The following ST6GALNAC3 variants were observed in gnomAD, a reference collection of about 807,000 sequenced individuals.
The protein encoded by ST6GALNAC3 is alpha-N-acetylgalactosaminide alpha-2,6-sialyltransferase 3.
Under a neutral mutation model 32.7 loss-of-function variants are expected in ST6GALNAC3, and 25 were observed. That is an observed-to-expected ratio of 0.76 (90% CI 0.56 to 1.07). The LOEUF (loss-of-function observed/expected upper bound fraction) is 1.07, where lower values mean the gene tolerates loss of function less well. Ranked by LOEUF, ST6GALNAC3 falls within the 50% of genes least tolerant of loss-of-function variation. The pLI is 0.00. For synonymous variants in ST6GALNAC3, 129 were observed against 133.1 expected, an observed-to-expected ratio of 0.97 and a Z score of 0.21; for missense variants, 355 against 382.4, an observed-to-expected ratio of 0.93 and a Z score of 0.60.
intron 1 of ST6GALNAC3, among the ~76,000 whole-genome samples, chr1:76,102,641 A>G (rs2100779032): frequency 6.6e-6 from 1 of 152,230 alleles, no homozygotes; most frequent in Middle Eastern, 3.4e-3. Flanking sequence ...CTCAGGTCTT[A>G]GACCACTTTA....
At chr1:76,459,073 T>C (rs1447132515) in intron 3 of ST6GALNAC3, among the ~76,000 whole-genome samples, 1 of 152,162 alleles carries the variant, frequency 6.6e-6, no homozygotes, top group Non-Finnish European at 1.5e-5. Flanking sequence ...TTTATGTGCC[T>C]CCCAGCATAT....
chr1:76,585,266 A>T (rs767510717), intron 3 of ST6GALNAC3, among the ~76,000 whole-genome samples: 3 of 151,998 alleles, frequency 2.0e-5, no homozygotes, highest in African/African-American at 4.8e-5. Flanking sequence ...CGCACCTGTC[A>T]TCCCAGCTAC....
At chr1:76,626,212 G>A (rs868852618) in intron 3 of ST6GALNAC3, among the ~76,000 whole-genome samples, 2 of 151,812 alleles carry the variant, frequency 1.3e-5, no homozygotes, top group Non-Finnish European at 1.5e-5. Context: ...CTGGCTGGAG[G>A]GCTGTATCCA....
In ST6GALNAC3 at chr1:76,631,868, T is replaced by A. The variant is rs191781849; in HGVS notation, c.*3062T>A. On this transcript the variant is annotated 3_prime_UTR_variant, in exon 5 of 5. Transcript: ENST00000328299. Reference sequence around the variant, plus strand: ...AGGTAATTTAAAAAGAGTTTTAAAATGTGTGTTTGAATCTTTTCCAATTTA... The same window carrying A: ...AGGTAATTTAAAAAGAGTTTTAAAAAGTGTGTTTGAATCTTTTCCAATTTA... The A allele has an allele frequency of 3.2e-4, 49 of 152,224 alleles. No homozygotes were observed. The highest frequency in any genetic ancestry group is 1.1e-3 in the African/African-American group (47 of 41,542). The allele number at this position is 152,224 out of a possible 1,614,324, so 9.4% of individuals were successfully genotyped here.
At chr1:76,263,441 G>C (rs1658357614) in intron 1 of ST6GALNAC3, among the ~76,000 whole-genome samples, 1 of 151,992 alleles carries the variant, frequency 6.6e-6, no homozygotes, top group Non-Finnish European at 1.5e-5. Context: ...AGCTTTCTGA[G>C]CCCTTTTTGT....
At chr1:76,581,624 C>T (rs1646893242) in intron 3 of ST6GALNAC3, among the ~76,000 whole-genome samples, 1 of 152,110 alleles carries the variant, frequency 6.6e-6, no homozygotes. Context: ...TTAACCTCAG[C>T]AAATTAGGTT....
intron 2 of ST6GALNAC3, among the ~76,000 whole-genome samples, chr1:76,378,512 A>G (rs934708596): frequency 5.3e-5 from 8 of 152,062 alleles, no homozygotes; most frequent in African/African-American, 1.9e-4. Context: ...ATATACAAAA[A>G]TTAGCTGAGC....
intron 2 of ST6GALNAC3, among the ~76,000 whole-genome samples, chr1:76,399,890 A>G (rs562061513): frequency 1.3e-5 from 2 of 152,294 alleles, no homozygotes; most frequent in South Asian, 2.1e-4. Context: ...GAAATACAAC[A>G]TATTTGGATT....
chr1:76,536,000 A>C (rs538800419), intron 3 of ST6GALNAC3, among the ~76,000 whole-genome samples: 1 of 152,168 alleles, frequency 6.6e-6, no homozygotes, highest in Non-Finnish European at 1.5e-5. Context: ...ACATCATTTC[A>C]GTTTAATGCT....
chr1:76,133,596 C>T lies in ST6GALNAC3; in HGVS notation c.18+58712C>T, dbSNP rs370981434. ...CCAAAATTTCTGCCAGCTGGTTACC[C>T]GCTGGAGAGCTGGGGACAGAAACAT... On this transcript the variant is annotated intron_variant, in intron 1 of 4. Transcript: ENST00000328299. Among the ~76,000 whole-genome samples, 275 of 152,346 alleles carry T rather than the reference C, an allele frequency of 1.8e-3. 1 individual carries two copies. Among genetic ancestry groups the T allele is most frequent in the African/African-American group, 6.1e-3 (255 of 41,580 alleles).
intron 2 of ST6GALNAC3, among the ~76,000 whole-genome samples, chr1:76,372,379 C>T (rs997202594): frequency 2.6e-5 from 4 of 152,034 alleles, no homozygotes; most frequent in African/African-American, 9.7e-5. Flanking sequence ...CACGCGCACA[C>T]ACACACATTG....
intron 3 of ST6GALNAC3, among the ~76,000 whole-genome samples, chr1:76,435,475 A>T (rs1025090085): frequency 2.0e-5 from 3 of 152,170 alleles, no homozygotes; most frequent in Non-Finnish European, 2.9e-5. Flanking sequence ...GGTTAAAGAA[A>T]GTTTTAAAGA....
chr1:76,246,682 GT>G (rs1476439415), intron 1 of ST6GALNAC3, among the ~76,000 whole-genome samples: 3 of 152,096 alleles, frequency 2.0e-5, no homozygotes, highest in African/African-American at 7.2e-5. Flanking sequence ...CTCAAAACTG[GT>G]TATTCTAGTT....
intron 3 of ST6GALNAC3, among the ~76,000 whole-genome samples, chr1:76,493,506 T>C (rs1055173103): frequency 6.6e-6 from 1 of 152,210 alleles, no homozygotes; most frequent in African/African-American, 2.4e-5. Flanking sequence ...TACTGATTCC[T>C]GATTTTGATT....
At chr1:76,330,191 C>T (rs371451781) in intron 2 of ST6GALNAC3, among the ~76,000 whole-genome samples, 2 of 151,858 alleles carry the variant, frequency 1.3e-5, no homozygotes, top group South Asian at 2.1e-4. Flanking sequence ...CTCACTCTGT[C>T]GCCCAGGCTG....
rs1378098227 is a variant in ST6GALNAC3 at position 76,412,231 on chromosome 1, A to T, written c.437A>T (p.Glu146Val). Residue 146 changes from glutamate to valine, a missense_variant, in exon 3 of 5, where the codon GAA (glutamate) becomes GTA (valine). Physicochemically the swap from Glu to Val is moderately radical, Grantham distance 121. Transcript: ENST00000328299. ...AAAAACCCTGATTATTTTTTCAAGG[A>T]AGCGAATACTACTATTTATGTTATT... ...LLKNPDYFFK[E>V]ANTTIYVIWG... The T allele has an allele frequency of 1.9e-6, 3 of 1,613,782 alleles. No individual in the cohort carries two copies. The highest frequency in any genetic ancestry group is 2.5e-6 in the Non-Finnish European group (3 of 1,179,824).
intron 1 of ST6GALNAC3, among the ~76,000 whole-genome samples, chr1:76,290,031 C>T (rs1205572743): frequency 6.6e-6 from 1 of 152,194 alleles, no homozygotes; most frequent in African/African-American, 2.4e-5. Flanking sequence ...GTTTCACACT[C>T]ATTATCTCAC....
At chr1:76,204,275 A>AC (rs1327097133) in intron 1 of ST6GALNAC3, among the ~76,000 whole-genome samples, 1 of 151,982 alleles carries the variant, frequency 6.6e-6, no homozygotes, top group Non-Finnish European at 1.5e-5. Context: ...CACTTTCTTT[A>AC]CCCATTTATC....
intron 1 of ST6GALNAC3, among the ~76,000 whole-genome samples, chr1:76,303,909 A>C (rs193144613): frequency 6.6e-6 from 1 of 151,918 alleles, no homozygotes; most frequent in African/African-American, 2.4e-5. Flanking sequence ...ACTTCTCTTT[A>C]TATTTTAAAT....
Sources: gnomAD v4.1 joint callset for allele counts (sites outside exome capture counted in the v4.1 genomes callset) on GRCh38, gnomAD v4.1.1 for gene constraint, MANE v1.5 for transcripts, NCBI Gene and HGNC (gene_info 2026-07-23, HGNC 2026-07-21) for gene names.